RPL17: variants seen among roughly 807,000 people sequenced by gnomAD.
The protein encoded by RPL17 is large ribosomal subunit protein uL22.
In RPL17, 2 loss-of-function variants were observed where a neutral mutation model predicts 27.7. The ratio of observed to expected loss-of-function variants is 0.07; its 90% CI spans 0.03 to 0.23. The LOEUF is 0.23. Among genes scored for constraint, RPL17 ranks in the 10% least tolerant of loss-of-function variants. The pLI, the probability that RPL17 is intolerant of heterozygous loss-of-function variation, is 1.00. For synonymous variants in RPL17, 76 were observed against 75.5 expected (o/e 1.01, Z -0.03); for missense variants, 141 against 238.8 (o/e 0.59, Z 2.70).
chr18:49,491,272 AAT>A, intron 3 of RPL17, 131 bp downstream of exon 3: 4 of 1,385,060 alleles, frequency 2.9e-6, no homozygotes, highest in Non-Finnish European at 4.1e-6. Flanking sequence ...TCAATGCCTA[AAT>A]ATAAGGTGGC....
At chr18:49,491,669 T>C (rs777710687) in intron 1 of RPL17, 85 bp from the exon 2 acceptor site, 2 of 1,495,982 alleles carry the variant, frequency 1.3e-6, no homozygotes, top group South Asian at 2.3e-5. Flanking sequence ...GAACAGCTGC[T>C]CAGAGAGTAG....
chr18:49,489,363 T>C lies in RPL17; in HGVS notation c.503A>G (p.Lys168Arg). Residue 168 changes from lysine (K) to arginine (R), a missense_variant, in exon 6 of 7, where the codon AAA becomes AGA. Transcript: ENST00000580261. ...ACCGAGCAACTACTTATTTACCTTT[T>C]TCTTCTGGGCAACCTCCTCTTCTGG... ...PKPEEEVAQK[K>R]KISQKKLKKQ... 2 of 1,613,900 alleles carry C rather than the reference T, an allele frequency of 1.2e-6. No individual in the cohort carries two copies. The highest frequency in any genetic ancestry group is 2.2e-5 in the East Asian group (1 of 44,882).
chr18:49,491,148 T>C (rs1028527074), intron 3 of RPL17: 1 of 896,782 alleles, frequency 1.1e-6, no homozygotes, highest in African/African-American at 1.7e-5. Context: ...TTAAATTCCA[T>C]CATCATGTAA....
At chr18:49,489,607 A>C in intron 5 of RPL17, 57 bp from the exon 6 acceptor site, 1 of 1,545,884 alleles carries the variant, frequency 6.5e-7, no homozygotes, top group Admixed American at 1.7e-5. Flanking sequence ...GTAAAACACC[A>C]CAAACTATCA....
At chr18:49,488,666 C>T in intron 6 of RPL17, 100 bp from the exon 7 acceptor site, 2 of 717,528 alleles carry the variant, frequency 2.8e-6, no homozygotes, top group South Asian at 1.6e-5. Context: ...TCGTTAAGGA[C>T]TAAGGGGGAA....
At chr18:49,490,694 A>G in intron 4 of RPL17, 99 bp downstream of exon 4, 1 of 1,593,512 alleles carries the variant, frequency 6.3e-7, no homozygotes, top group Non-Finnish European at 8.6e-7. Context: ...TACAGCAACC[A>G]GAAATAGGTT....
At chr18:49,492,150 G>A (rs2084160241) in intron 1 of RPL17, 2 of 161,208 alleles carry the variant, frequency 1.2e-5, no homozygotes, top group South Asian at 3.1e-4. Flanking sequence ...CCGGACCTCC[G>A]GAGTCCGCAC....
chr18:49,491,032 TATTCTTTGGGGGCAAGGCAATTAAA>T, intron 3 of RPL17, 105 bp from the exon 4 acceptor site: 3 of 1,554,482 alleles, frequency 1.9e-6, no homozygotes, highest in African/African-American at 1.4e-5. Flanking sequence ...GAGTTATTTC[TATTCTTTGGGGGCAAGGCAATTAAA>T]AAAACTTGTG....
intron 1 of RPL17, chr18:49,491,960 A>C (rs1600508062): frequency 2.7e-6 from 1 of 370,438 alleles, no homozygotes; most frequent in Non-Finnish European, 5.2e-6. Context: ...CTCTACAGAA[A>C]CCCCTTTGCT....
chr18:49,488,606 C>G (rs1325810775), intron 6 of RPL17, 40 bp from the exon 7 acceptor site: 3 of 1,224,946 alleles, frequency 2.4e-6, no homozygotes, highest in Non-Finnish European at 3.6e-6. Context: ...TAGAGAAAAC[C>G]ACAGTACATC....
rs2084024414 is a variant in RPL17, at chr18:49,490,927, T to C, written c.82A>G (p.Asn28Asp). 5.0e-6 allele frequency: 8 copies of C among 1,613,922 alleles called. No homozygotes were observed. The highest frequency in any genetic ancestry group is 6.8e-6 in the Non-Finnish European group (8 of 1,179,884). The change falls in exon 4 of 7, where the codon AAC (asparagine) becomes GAC (aspartate). Residue 28 changes from asparagine to aspartate, a missense_variant and splice_region_variant. Physicochemically the swap from Asn to Asp is conservative, Grantham distance 23. Transcript: ENST00000580261. ...RGSNLRVHFK[N>D]TRETAQAIKG... ...ATGGCCTGAGCAGTTTCACGAGTGT[T>C]CTAAGTATGAAGAATAAAGTGTTGG...
At chr18:49,491,932 T>C (rs2084124478) in intron 1 of RPL17, 7 of 400,124 alleles carry the variant, frequency 1.7e-5, no homozygotes. Context: ...CGTAACCCTC[T>C]ACACCTCCTC....
chr18:49,490,798 C>A lies in RPL17; in HGVS notation c.211G>T (p.Ala71Ser). ...RRYNGGVGRCAQAKQWGWTQG... is the reference protein window; with the variant it reads ...RRYNGGVGRCSQAKQWGWTQG... ...TGGCAACTAAGAATTCTCACCTGCGCACACCTGCCAACTCCACCATTGTAA... is the reference window on the plus strand; with the variant it reads ...TGGCAACTAAGAATTCTCACCTGCGAACACCTGCCAACTCCACCATTGTAA... The change falls in exon 4 of 7, where the codon GCG becomes TCG. Residue 71 changes from alanine to serine, a missense_variant. Physicochemically the swap from Ala to Ser is moderately conservative, Grantham distance 99. This residue lies in a region of RPL17 where 107 missense variants were observed against 150.1 expected (regional missense o/e 0.71). Transcript: ENST00000580261. The A allele has an allele frequency of 1.9e-6, 3 of 1,612,896 alleles. No homozygotes were observed. Among genetic ancestry groups the A allele is most frequent in the Non-Finnish European group, 2.5e-6 (3 of 1,179,844 alleles).
chr18:49,491,453 A>G lies in RPL17; in HGVS notation c.41-8T>C. Reference sequence around the variant, plus strand: ...AACCTCTTGATTTGCATGCTAGAAAATAAAACGTTTTGGTTAATTTTTGGT... The same window carrying G: ...AACCTCTTGATTTGCATGCTAGAAAGTAAAACGTTTTGGTTAATTTTTGGT... On this transcript the variant is annotated splice_region_variant and splice_polypyrimidine_tract_variant and intron_variant, in intron 2 of 6. Coordinates refer to ENST00000580261, the MANE Select transcript of RPL17 (RefSeq NM_001035006.5). The G allele has an allele frequency of 1.2e-6, 2 of 1,614,132 alleles. No individual in the cohort carries two copies. Among genetic ancestry groups the G allele is most frequent in the Non-Finnish European group, 1.7e-6 (2 of 1,180,000 alleles).
intron 4 of RPL17, 75 bp downstream of exon 4, chr18:49,490,718 C>A: frequency 6.2e-7 from 1 of 1,606,686 alleles, no homozygotes; most frequent in Non-Finnish European, 8.5e-7. Flanking sequence ...CAGCACAGAT[C>A]TTAGCCATTC....
chr18:49,490,267 A>G (rs1229442938), intron 5 of RPL17, 187 bp downstream of exon 5: 3 of 604,764 alleles, frequency 5.0e-6, no homozygotes, highest in Non-Finnish European at 8.5e-6. Context: ...TCTTCACAGA[A>G]TTTTGCCATA....
chr18:49,491,813 GC>G, intron 1 of RPL17: 1 of 741,000 alleles, frequency 1.3e-6, no homozygotes, highest in Non-Finnish European at 2.5e-6. Flanking sequence ...AGCCACACGG[GC>G]CTCACCAATC....
Position 49,490,797 on chromosome 18 carries a change from G to A in RPL17, c.212C>T (p.Ala71Val), listed in dbSNP as rs1255028692. ...RRYNGGVGRC[A>V]QAKQWGWTQG... ...ATGGCAACTAAGAATTCTCACCTGC[G>A]CACACCTGCCAACTCCACCATTGTA... The change falls in exon 4 of 7, where the codon GCG (alanine) becomes GTG (valine). Residue 71 changes from alanine to valine, a missense_variant. By Grantham distance (64) the Ala-to-Val change is moderately conservative (BLOSUM62 0). This residue lies in a region of RPL17 where 107 missense variants were observed against 150.1 expected (regional missense o/e 0.71). Coordinates refer to ENST00000580261, the MANE Select transcript of RPL17 (RefSeq NM_001035006.5). The A allele has an allele frequency of 1.2e-6, 2 of 1,612,628 alleles. No homozygotes were observed. The highest frequency in any genetic ancestry group is 8.5e-7 in the Non-Finnish European group (1 of 1,179,782).
chr18:49,490,992 A>C, intron 3 of RPL17, 65 bp from the exon 4 acceptor site: 2 of 1,594,018 alleles, frequency 1.3e-6, no homozygotes, highest in Non-Finnish European at 8.5e-7. Flanking sequence ...GTAAACGTTA[A>C]ATTTTCAATT....
Sources: gnomAD v4.1 joint callset for allele counts on GRCh38, gnomAD v4.1.1 for gene constraint, gnomAD v4.1.1 regional missense constraint, MANE v1.5 for transcripts, NCBI Gene and HGNC (gene_info 2026-07-23, HGNC 2026-07-21) for gene names.